The following FRMPD4 variants were observed in gnomAD, a reference collection of about 807,000 sequenced individuals.
The protein encoded by FRMPD4 is FERM and PDZ domain containing 4.
A neutral mutation model predicts 94.1 loss-of-function variants in FRMPD4; 22 were observed. That is an observed-to-expected ratio of 0.23 (90% confidence interval 0.17 to 0.33). The LOEUF is 0.33. Among genes scored for constraint, FRMPD4 ranks in the 10% least tolerant of loss-of-function variants. FRMPD4 has a pLI of 1.00. For synonymous variants in FRMPD4, 631 were observed against 548.6 expected, an observed-to-expected ratio of 1.15 and a Z score of -2.10; for missense variants, 1,111 against 1,339.9, an observed-to-expected ratio of 0.83 and a Z score of 2.67.
intron 1 of FRMPD4, among the ~76,000 whole-genome samples, chrX:12,406,450 G>A (rs1445312156): frequency 8.9e-6 from 1 of 111,924 alleles, no homozygotes; most frequent in Admixed American, 9.5e-5. Flanking sequence ...TCAAATTAGA[G>A]GAAGCCCTAT....
chrX:12,335,881 A>G (rs774124610), intron 1 of FRMPD4, among the ~76,000 whole-genome samples: 140 of 112,181 alleles, frequency 1.2e-3, no homozygotes, highest in African/African-American at 4.5e-3. Context: ...AGCTTTGACA[A>G]TATCATTTAT....
intron 2 of FRMPD4, among the ~76,000 whole-genome samples, chrX:11,868,393 A>G (rs2053734669): frequency 8.9e-6 from 1 of 111,994 alleles, no homozygotes; most frequent in East Asian, 2.8e-4. Context: ...GGAAATCCTT[A>G]TGGCTCACAT....
chrX:12,268,510 C>A (rs1405616427), intron 1 of FRMPD4, among the ~76,000 whole-genome samples: 1 of 111,889 alleles, frequency 8.9e-6, no homozygotes, highest in Non-Finnish European at 1.9e-5. Flanking sequence ...GGGTATTAAC[C>A]TCTTAGGATG....
At chrX:12,129,047 G>A (rs765816164) in intron 3 of FRMPD4, among the ~76,000 whole-genome samples, 5 of 111,591 alleles carry the variant, frequency 4.5e-5, no homozygotes, top group African/African-American at 9.8e-5. Flanking sequence ...ACATCTTCCT[G>A]TCTTCTTCTG....
intron 4 of FRMPD4, among the ~76,000 whole-genome samples, chrX:12,650,164 G>T (rs780056216): frequency 8.9e-6 from 1 of 112,478 alleles, no homozygotes; most frequent in African/African-American, 3.2e-5. Context: ...CACGGGAAGT[G>T]ATATACGGGA....
chrX:12,450,754 T>C (rs2057255666), intron 1 of FRMPD4, among the ~76,000 whole-genome samples: 1 of 107,608 alleles, frequency 9.3e-6, no homozygotes, highest in African/African-American at 3.4e-5. Context: ...TGTAACCATC[T>C]ACTAAACTGA....
At chrX:11,849,800 C>T (rs2147288568) in intron 1 of FRMPD4, among the ~76,000 whole-genome samples, 1 of 109,926 alleles carries the variant, frequency 9.1e-6, no homozygotes, top group African/African-American at 3.3e-5. Flanking sequence ...AAAGCCTAAA[C>T]ATATGTGCTA....
intron 1 of FRMPD4, among the ~76,000 whole-genome samples, chrX:12,290,719 C>T (rs1006506207): frequency 2.7e-5 from 3 of 111,642 alleles, no homozygotes; most frequent in African/African-American, 6.5e-5. Context: ...TGTATTTAAG[C>T]GACAGAAGCA....
intron 4 of FRMPD4, among the ~76,000 whole-genome samples, chrX:12,657,639 C>T: frequency 8.9e-6 from 1 of 112,121 alleles, no homozygotes; most frequent in Middle Eastern, 4.6e-3. Flanking sequence ...GTGCAGATCC[C>T]TGGGGATCAT....
At chrX:12,477,480 G>A (rs185467832) in intron 1 of FRMPD4, among the ~76,000 whole-genome samples, 201 of 112,378 alleles carry the variant, frequency 1.8e-3, no homozygotes, top group Non-Finnish European at 2.9e-3. Flanking sequence ...AGAAAGTACA[G>A]CTTTAGTCAT....
intron 2 of FRMPD4, among the ~76,000 whole-genome samples, chrX:12,581,899 G>A (rs775491914): frequency 1.8e-5 from 2 of 111,557 alleles, no homozygotes; most frequent in South Asian, 7.6e-4. Context: ...CTCCCACCCT[G>A]CCATCTGACA....
chrX:12,076,439 G>T (rs753335085), intron 3 of FRMPD4, among the ~76,000 whole-genome samples: 17 of 109,912 alleles, frequency 1.5e-4, no homozygotes, highest in Non-Finnish European at 2.7e-4. Flanking sequence ...ACAGCCTAGT[G>T]TCTTGAGACA....
intron 3 of FRMPD4, among the ~76,000 whole-genome samples, chrX:12,076,762 C>T (rs752292119): frequency 7.2e-5 from 8 of 110,773 alleles, no homozygotes; most frequent in Non-Finnish European, 1.3e-4. Flanking sequence ...ATGGTAACTG[C>T]TTTTGCTTCT....
chrX:12,473,884 C>A (rs772055611), intron 1 of FRMPD4, among the ~76,000 whole-genome samples: 3 of 109,818 alleles, frequency 2.7e-5, no homozygotes, highest in South Asian at 7.6e-4. Flanking sequence ...TAACACCCCA[C>A]TGTCAACATT....
intron 1 of FRMPD4, among the ~76,000 whole-genome samples, chrX:12,391,073 T>C (rs1394260006): frequency 3.6e-5 from 4 of 111,937 alleles, no homozygotes; most frequent in Non-Finnish European, 7.5e-5. Flanking sequence ...CTTTTAAACA[T>C]AGGATCATAA....
intron 3 of FRMPD4, among the ~76,000 whole-genome samples, chrX:11,994,237 G>A (rs773344596): frequency 9.0e-6 from 1 of 111,010 alleles, no homozygotes; most frequent in South Asian, 3.8e-4. Context: ...AGCCCCAAAG[G>A]TCCATAGTGC....
chrX:12,136,888 AAAAC>A (rs1204432810), upstream of FRMPD4, among the ~76,000 whole-genome samples: 1 of 87,808 alleles, frequency 1.1e-5, no homozygotes, highest in Non-Finnish European at 2.1e-5. Context: ...GATCTACGTT[AAAAC>A]ACACACACAC....
chrX:12,027,624 CAAAT>C (rs1020013659), intron 3 of FRMPD4, among the ~76,000 whole-genome samples: 10 of 110,867 alleles, frequency 9.0e-5, no homozygotes, highest in African/African-American at 3.3e-4. Context: ...AAAAAAAAAT[CAAAT>C]AAAAATATTT....
intron 1 of FRMPD4, among the ~76,000 whole-genome samples, chrX:11,840,124 A>T (rs1601795458): frequency 9.0e-6 from 1 of 111,481 alleles, no homozygotes. Context: ...TGAGATTTTA[A>T]TAGGGATTAT....
Sources: gnomAD v4.1 joint callset for allele counts (sites outside exome capture counted in the v4.1 genomes callset) on GRCh38, gnomAD v4.1.1 for gene constraint, MANE v1.5 for transcripts, NCBI Gene and HGNC (gene_info 2026-07-23, HGNC 2026-07-21) for gene names.